The following SRGAP1 variants were observed in gnomAD, a reference collection of about 807,000 sequenced individuals.
SRGAP1 encodes SLIT-ROBO Rho GTPase activating protein 1.
SRGAP1 carries 43 observed loss-of-function variants against 121.9 expected under a neutral mutation model. That is an observed-to-expected ratio of 0.35 (90% CI 0.28 to 0.46). The LOEUF (loss-of-function observed/expected upper bound fraction) is 0.46. SRGAP1 is among the 20% of genes least tolerant of loss of function. The pLI is 1.00. For missense variants in SRGAP1, 1,102 were observed against 1,350.9 expected (o/e 0.82, Z 2.89); for synonymous variants, 447 against 485.4 (o/e 0.92, Z 1.04).
chr12:63,847,076 C>T (rs1158035799), intron 1 of SRGAP1, among the ~76,000 whole-genome samples: 1 of 152,216 alleles, frequency 6.6e-6, no homozygotes, highest in African/African-American at 2.4e-5. Flanking sequence ...TGCCTGTAAT[C>T]TCCGCATTTC....
Position 64,094,921 on chromosome 12 carries a change from C to T in SRGAP1, c.1540-11C>T, listed in dbSNP as rs756919869. The T allele has an allele frequency of 4.3e-6, 7 of 1,613,728 alleles. No individual in the cohort carries two copies. The South Asian group carries it at 5.5e-5, about 13-fold the overall frequency. ...CCCTTGAGGTTAACTGGTTTCCATCCCTTTACCCAGGACTCAGGACAGGTT... is the reference window on the plus strand; with the variant it reads ...CCCTTGAGGTTAACTGGTTTCCATCTCTTTACCCAGGACTCAGGACAGGTT... On this transcript the variant is annotated splice_polypyrimidine_tract_variant and intron_variant, in intron 12 of 21. Transcript: ENST00000355086.
chr12:64,074,567 T>A (rs1226348060), intron 8 of SRGAP1, among the ~76,000 whole-genome samples: 1 of 152,184 alleles, frequency 6.6e-6, no homozygotes, highest in African/African-American at 2.4e-5. Context: ...TGGAATGCCC[T>A]TTTTTTCAGT....
chr12:64,007,191 T>C (rs1189402313), intron 3 of SRGAP1, among the ~76,000 whole-genome samples: 1 of 152,146 alleles, frequency 6.6e-6, no homozygotes, highest in Non-Finnish European at 1.5e-5. Flanking sequence ...GAGAATTTGC[T>C]CTGATTTCTG....
At position 63,884,130 on chromosome 12, in the gene SRGAP1, A is replaced by T. The variant is rs1469865748; in HGVS notation, c.67+39247A>T. On this transcript the variant is annotated intron_variant, in intron 1 of 21. Coordinates refer to ENST00000355086, the MANE Select transcript of SRGAP1 (RefSeq NM_020762.4). ...AAACCCCGTCTCTACTAAAAATACAAAAATTAGCTGGGTGTGGTGGCGCAT... is the reference window on the plus strand; with the variant it reads ...AAACCCCGTCTCTACTAAAAATACATAAATTAGCTGGGTGTGGTGGCGCAT... 2.0e-5 allele frequency among the ~76,000 whole-genome samples: 3 copies of T among 151,900 alleles called. No homozygotes were observed. The East Asian group carries it at 6.0e-4, about 30-fold the overall frequency.
intron 1 of SRGAP1, among the ~76,000 whole-genome samples, chr12:63,949,429 A>C (rs1190017033): frequency 7.8e-6 from 1 of 127,740 alleles, no homozygotes; most frequent in Non-Finnish European, 1.7e-5. Context: ...TATTATTATT[A>C]TTATTATTAT....
At chr12:64,063,165 A>G (rs2136537050) in intron 7 of SRGAP1, 27 bp downstream of exon 7, 1 of 1,559,210 alleles carries the variant, frequency 6.4e-7, no homozygotes, top group East Asian at 2.3e-5. Flanking sequence ...TTTTAAAATA[A>G]TGAATTGTCT....
rs2037120967 is a variant in SRGAP1, at chr12:64,151,648, T to A, written c.*8976T>A. ...AACAGTACACGAGTATAAAACATGG[T>A]CATGTTTCTTTACCAGTGTACTAGG... is the stretch of plus-strand genomic sequence containing the variant. On this transcript the variant is annotated 3_prime_UTR_variant, in exon 22 of 22. Coordinates refer to ENST00000355086, the MANE Select transcript of SRGAP1 (RefSeq NM_020762.4). 6.6e-6 allele frequency: 1 copy of A among 152,146 alleles called. No homozygotes were observed. Among genetic ancestry groups the A allele is most frequent in the Non-Finnish European group, 1.5e-5 (1 of 68,016 alleles). The allele number at this position is 152,146 out of a possible 1,614,324, so 9.4% of individuals were successfully genotyped here.
At chr12:63,846,649 A>T (rs986598794) in intron 1 of SRGAP1, among the ~76,000 whole-genome samples, 1 of 151,964 alleles carries the variant, frequency 6.6e-6, no homozygotes, top group African/African-American at 2.4e-5. Flanking sequence ...CCTTCTCCCT[A>T]TTTCCTTCAA....
intron 21 of SRGAP1, among the ~76,000 whole-genome samples, chr12:64,135,992 G>T (rs2036850739): frequency 6.6e-6 from 1 of 152,238 alleles, no homozygotes; most frequent in Non-Finnish European, 1.5e-5. Flanking sequence ...CAGCATGGGA[G>T]AAAGATGTAG....
intron 1 of SRGAP1, among the ~76,000 whole-genome samples, chr12:63,943,608 CTA>C (rs1324893648): frequency 6.6e-6 from 1 of 152,050 alleles, no homozygotes; most frequent in Non-Finnish European, 1.5e-5. Context: ...AACAACTATT[CTA>C]TGTTTTTTTT....
rs567696034 is a variant in SRGAP1 at position 64,087,526 on chromosome 12, G to A, written c.1436+500G>A. Among the ~76,000 whole-genome samples, 43 of 152,058 alleles carry A rather than the reference G, an allele frequency of 2.8e-4. No homozygotes were observed. In the South Asian group the frequency reaches 8.1e-3, roughly 29 times the overall value. ...AGGCGGGTGGATCACCTGAGGTCAG[G>A]AGCTCACGACCAGCCTGGCCAATGT... is the stretch of plus-strand genomic sequence containing the variant. On this transcript the variant is annotated intron_variant, in intron 11 of 21. Transcript: ENST00000355086.
At position 64,157,818 on chromosome 12, in the gene SRGAP1, A is replaced by G. The variant is rs2037175826; in HGVS notation, c.*15146A>G. The G allele has an allele frequency of 1.3e-5, 2 of 152,078 alleles. No homozygotes were observed. Among genetic ancestry groups the G allele is most frequent in the African/African-American group, 4.8e-5 (2 of 41,398 alleles). The allele number at this position is 152,078 out of a possible 1,614,324, so 9.4% of individuals were successfully genotyped here. On this transcript the variant is annotated 3_prime_UTR_variant, in exon 22 of 22. Transcript: ENST00000355086. ...TAACAAACAACCCCCCAAACTCAGT[A>G]ACACAATCAAGCTGAATTTCTCCTT...
intron 6 of SRGAP1, among the ~76,000 whole-genome samples, chr12:64,044,380 C>T (rs2035084276): frequency 6.6e-6 from 1 of 152,084 alleles, no homozygotes; most frequent in South Asian, 2.1e-4. Context: ...GATTAAGTGC[C>T]ATAAAAACAG....
intron 3 of SRGAP1, among the ~76,000 whole-genome samples, chr12:64,013,387 A>G (rs561576419): frequency 6.6e-6 from 1 of 152,344 alleles, no homozygotes; most frequent in African/African-American, 2.4e-5. Flanking sequence ...CATGTTTCAC[A>G]AATTAGTCGC....
In SRGAP1 at chr12:64,022,332, T is replaced by C. The variant is rs377305123; in HGVS notation, c.489+5320T>C. 1.3e-4 allele frequency among the ~76,000 whole-genome samples: 20 copies of C among 152,278 alleles called. No individual in the cohort carries two copies. In the East Asian group the frequency reaches 3.5e-3, roughly 26 times the overall value. On this transcript the variant is annotated intron_variant, in intron 4 of 21. Coordinates refer to ENST00000355086, the MANE Select transcript of SRGAP1 (RefSeq NM_020762.4). ...CTGAAAACCAGGAAAGCCAATGGTG[T>C]AAGTTCCAATTCAACTCCAGGAAAA...
chr12:63,987,346 T>C (rs1053121389), intron 2 of SRGAP1, among the ~76,000 whole-genome samples: 1 of 152,144 alleles, frequency 6.6e-6, no homozygotes, highest in South Asian at 2.1e-4. Flanking sequence ...TTCCCTGGAC[T>C]AAAAAAAGAC....
chr12:63,935,760 A>G (rs2031642297), intron 1 of SRGAP1, among the ~76,000 whole-genome samples: 1 of 152,220 alleles, frequency 6.6e-6, no homozygotes, highest in African/African-American at 2.4e-5. Context: ...CTAATCCTCC[A>G]AAGAAATAGA....
At chr12:63,870,533 A>ATTTTTTTTT (rs1216674448) in intron 1 of SRGAP1, among the ~76,000 whole-genome samples, 1 of 100,808 alleles carries the variant, frequency 9.9e-6, no homozygotes, top group Non-Finnish European at 2.0e-5. Context: ...CCCTATCTTG[A>ATTTTTTTTT]TTTTTTTTTT....
At chr12:63,865,996 C>T (rs992737318) in intron 1 of SRGAP1, among the ~76,000 whole-genome samples, 3 of 152,064 alleles carry the variant, frequency 2.0e-5, no homozygotes, top group African/African-American at 4.8e-5. Context: ...TGTCAACATC[C>T]GATGGAGAAA....
Sources: allele counts gnomAD v4.1 joint callset (sites outside exome capture counted in the v4.1 genomes callset), GRCh38; gene constraint gnomAD v4.1.1; transcripts MANE v1.5; gene names NCBI Gene and HGNC (gene_info 2026-07-23, HGNC 2026-07-21).